DOCK8: variants seen among roughly 807,000 people sequenced by gnomAD.
DOCK8 encodes the protein dedicator of cytokinesis protein 8.
DOCK8 carries 141 observed loss-of-function variants against 245.6 expected under a neutral mutation model. The ratio of observed to expected loss-of-function variants is 0.57; its 90% CI spans 0.50 to 0.66. DOCK8 has a LOEUF of 0.66. Among genes scored for constraint, DOCK8 ranks in the 30% least tolerant of loss-of-function variants. The probability of loss-of-function intolerance (pLI) is 0.00; values close to 1 mark genes in which losing one functional copy is unlikely to be tolerated. For synonymous variants in DOCK8, 1,168 were observed against 970.2 expected (o/e 1.20, Z -3.79); for missense variants, 2,965 against 2,603.4 (o/e 1.14, Z -3.02).
intron 1 of DOCK8, among the ~76,000 whole-genome samples, chr9:216,338 G>C (rs554006008): frequency 6.6e-6 from 1 of 151,990 alleles, no homozygotes; most frequent in African/African-American, 2.4e-5. Flanking sequence ...AGACCAGCCT[G>C]GGCAACATAG....
chr9:236,963 C>T (rs1421239721), intron 1 of DOCK8, among the ~76,000 whole-genome samples: 1 of 152,224 alleles, frequency 6.6e-6, no homozygotes, highest in Non-Finnish European at 1.5e-5. Flanking sequence ...GGACTGCTTA[C>T]AAGATTCATC....
At chr9:232,443 A>G (rs759673142) in intron 1 of DOCK8, among the ~76,000 whole-genome samples, 10 of 151,998 alleles carry the variant, frequency 6.6e-5, no homozygotes, top group Non-Finnish European at 1.0e-4. Context: ...CTCTTTTTCT[A>G]TTGATTGGAA....
In DOCK8 at chr9:277,837, T is replaced by A. The variant is rs539683088; in HGVS notation, c.156+6108T>A. On this transcript the variant is annotated intron_variant, in intron 2 of 47. Transcript: ENST00000432829. The stretch of plus-strand genomic sequence containing the variant: ...CATGTTTGTATATGTAACATTTATT[T>A]AAAAAAAAAGTCTCATAGCTTAGAA... Among the ~76,000 whole-genome samples, 4 of 151,736 alleles carry A rather than the reference T, an allele frequency of 2.6e-5. No individual in the cohort carries two copies. The East Asian group carries it at 5.8e-4, about 22-fold the overall frequency.
intron 24 of DOCK8, 24 bp from the exon 25 acceptor site, chr9:396,761 C>T (rs2054477711): frequency 1.9e-6 from 3 of 1,614,120 alleles, no homozygotes; most frequent in Non-Finnish European, 2.5e-6. Flanking sequence ...TCCATGTTGA[C>T]ATTTCCTCCA....
chr9:233,631 G>T (rs2047174381), intron 1 of DOCK8, among the ~76,000 whole-genome samples: 1 of 152,092 alleles, frequency 6.6e-6, no homozygotes, highest in Non-Finnish European at 1.5e-5. Context: ...TTGTTGAATT[G>T]ATCCCTTTAC....
At chr9:331,191 A>G (rs971265900) in intron 9 of DOCK8, among the ~76,000 whole-genome samples, 2 of 152,192 alleles carry the variant, frequency 1.3e-5, no homozygotes, top group African/African-American at 4.8e-5. Flanking sequence ...CCCAGCTGCT[A>G]CCATATAGAA....
At chr9:241,521 G>A (rs1460436054) in intron 1 of DOCK8, among the ~76,000 whole-genome samples, 1 of 152,138 alleles carries the variant, frequency 6.6e-6, no homozygotes, top group African/African-American at 2.4e-5. Flanking sequence ...TTGGTGTAAT[G>A]TCCTCCATTT....
At chr9:322,596 G>A (rs896840594) in intron 7 of DOCK8, among the ~76,000 whole-genome samples, 2 of 152,228 alleles carry the variant, frequency 1.3e-5, no homozygotes, top group African/African-American at 4.8e-5. Flanking sequence ...AGACTGATGT[G>A]TGGAAAGCAC....
intron 21 of DOCK8, 95 bp downstream of exon 21, chr9:380,030 T>A (rs1361833663): frequency 6.9e-7 from 1 of 1,441,142 alleles, no homozygotes; most frequent in African/African-American, 1.4e-5. Context: ...CTATGCTGGG[T>A]GCAGGGGCTC....
At chr9:342,251 A>G (rs965194081) in intron 14 of DOCK8, among the ~76,000 whole-genome samples, 2 of 147,672 alleles carry the variant, frequency 1.4e-5, no homozygotes, top group African/African-American at 2.5e-5. Context: ...GTGTTATATT[A>G]CACTTTGTTT....
At chr9:264,879 ATCAT>A (rs889118730) in intron 1 of DOCK8, among the ~76,000 whole-genome samples, 5 of 152,222 alleles carry the variant, frequency 3.3e-5, no homozygotes, top group African/African-American at 1.2e-4. Flanking sequence ...TGATAGCTGC[ATCAT>A]TCAAAGTCAG....
At chr9:376,082 G>C in intron 18 of DOCK8, 128 bp from the exon 19 acceptor site, 1 of 753,256 alleles carries the variant, frequency 1.3e-6, no homozygotes, top group East Asian at 2.5e-5. Flanking sequence ...AGAACAGTTA[G>C]ATTAGTTTTC....
At chr9:222,807 T>G (rs1291285866) in intron 1 of DOCK8, among the ~76,000 whole-genome samples, 2 of 152,244 alleles carry the variant, frequency 1.3e-5, no homozygotes, top group African/African-American at 4.8e-5. Context: ...TTTCTTAATT[T>G]TGTTGTAAGC....
At chr9:463,382 A>G in intron 46 of DOCK8, 135 bp from the exon 47 acceptor site, 1 of 988,450 alleles carries the variant, frequency 1.0e-6, no homozygotes, top group Non-Finnish European at 1.5e-6. Flanking sequence ...AAAGCTCCAC[A>G]GGTGATCCCG....
chr9:459,595 C>T (rs1297826374), intron 46 of DOCK8: 1 of 152,168 alleles, frequency 6.6e-6, no homozygotes, highest in Non-Finnish European at 1.5e-5. Flanking sequence ...GGGGCCCTAG[C>T]GAGGTGTATT....
Position 439,349 on chromosome 9 carries a change from G to A in DOCK8, c.5184G>A (p.Leu1728=). The A allele has an allele frequency of 6.2e-7, 1 of 1,614,066 alleles. No homozygotes were observed. Among genetic ancestry groups the A allele is most frequent in the Non-Finnish European group, 8.5e-7 (1 of 1,180,030 alleles). Residue 1728 remains leucine, a synonymous_variant, in exon 40 of 48, where the codon CTG becomes CTA. Transcript: ENST00000432829. ...GCCAGTACTTCACCGAGAGTGGCCT[G>A]GTAGGCCTCCTGGAGCAGGCCGCGG... The part of the protein sequence containing the change: ...CAGQYFTESG[L]VGLLEQAAEL...
At chr9:245,326 T>A (rs553284129) in intron 1 of DOCK8, among the ~76,000 whole-genome samples, 2 of 152,218 alleles carry the variant, frequency 1.3e-5, no homozygotes, top group African/African-American at 4.8e-5. Context: ...TACCTCAGCC[T>A]CCCCAATAGC....
intron 30 of DOCK8, 51 bp downstream of exon 30, chr9:418,258 C>T (rs751324678): frequency 1.2e-6 from 2 of 1,609,806 alleles, no homozygotes; most frequent in East Asian, 2.2e-5. Flanking sequence ...TGTCTTCTGT[C>T]TTCTGTTTTG....
At chr9:443,817 C>T (rs2057166120) in intron 43 of DOCK8, among the ~76,000 whole-genome samples, 1 of 152,096 alleles carries the variant, frequency 6.6e-6, no homozygotes, top group Admixed American at 6.6e-5. Flanking sequence ...TTTTGTCATT[C>T]CTATTTTAGA....
Sources: gnomAD v4.1 joint callset for allele counts (sites outside exome capture counted in the v4.1 genomes callset) on GRCh38, gnomAD v4.1.1 for gene constraint, MANE v1.5 for transcripts, NCBI Gene and HGNC (gene_info 2026-07-23, HGNC 2026-07-21) for gene names.